DOK6: variants seen among roughly 807,000 people sequenced by gnomAD.
The protein encoded by DOK6 is downstream of tyrosine kinase 6.
DOK6 carries 22 observed loss-of-function variants against 44.0 expected under a neutral mutation model. The observed-to-expected ratio is 0.50, with a 90% CI of 0.36 to 0.71. DOK6 has a LOEUF of 0.71. DOK6 is among the 30% of genes least tolerant of loss of function. The pLI is 0.00. For synonymous variants in DOK6, 166 were observed against 145.5 expected (o/e 1.14, Z -1.01); for missense variants, 340 against 416.4 (o/e 0.82, Z 1.60).
At chr18:69,784,082 G>C (rs934096152) in intron 7 of DOK6, among the ~76,000 whole-genome samples, 3 of 152,118 alleles carry the variant, frequency 2.0e-5, no homozygotes, top group Non-Finnish European at 4.4e-5. Context: ...AGCTACTCGG[G>C]AAGCTGAGTG....
intron 1 of DOK6, among the ~76,000 whole-genome samples, chr18:69,425,932 A>G (rs62096593): frequency 0.15 from 22,246 of 152,086 alleles, 2,157 homozygotes; most frequent in East Asian, 0.32. Flanking sequence ...TTATTTCTGG[A>G]GAAATTTTTC....
chr18:69,751,269 GAT>G (rs1216705797), intron 6 of DOK6, among the ~76,000 whole-genome samples: 2 of 152,062 alleles, frequency 1.3e-5, no homozygotes, highest in Admixed American at 6.6e-5. Context: ...TCACAAAAAA[GAT>G]AAGTATTTGA....
chr18:69,512,753 T>A (rs1981409127), intron 1 of DOK6, among the ~76,000 whole-genome samples: 1 of 152,206 alleles, frequency 6.6e-6, no homozygotes, highest in South Asian at 2.1e-4. Flanking sequence ...GATATCATTG[T>A]TGATAAATCA....
intron 2 of DOK6, among the ~76,000 whole-genome samples, chr18:69,579,397 A>G (rs1444358563): frequency 2.0e-5 from 3 of 152,182 alleles, no homozygotes; most frequent in South Asian, 2.1e-4. Flanking sequence ...TGGATTTTCA[A>G]TAGCCTGGAA....
chr18:69,647,383 A>C (rs1197263620), intron 3 of DOK6: 1 of 152,212 alleles, frequency 6.6e-6, no homozygotes, highest in Non-Finnish European at 1.5e-5. Context: ...TAGAGAAATA[A>C]GGCAGTCATC....
Position 69,401,424 on chromosome 18 carries a change from G to T in DOK6, c.66+114G>T, listed in dbSNP as rs1398729656. On this transcript the variant is annotated intron_variant, in intron 1 of 7. Coordinates refer to ENST00000382713, the MANE Select transcript of DOK6 (RefSeq NM_152721.6). ...CGGGTACAGGGCAGAGAGGGACCCGGCCCTTAGGCGGATGGCCCGCTTGTT... is the reference window on the plus strand; with the variant it reads ...CGGGTACAGGGCAGAGAGGGACCCGTCCCTTAGGCGGATGGCCCGCTTGTT... 3 of 1,204,148 alleles carry T rather than the reference G, an allele frequency of 2.5e-6. No homozygotes were observed. The African/African-American group carries it at 4.8e-5, about 19-fold the overall frequency. 74.6% of individuals were successfully genotyped at this position (1,204,148 alleles called of 1,614,324 possible). A position where few individuals can be genotyped will look rare whatever the true frequency, so the allele number is the denominator to read the frequency against.
intron 4 of DOK6, among the ~76,000 whole-genome samples, chr18:69,690,715 A>G (rs138880479): frequency 7.2e-4 from 110 of 152,318 alleles, no homozygotes; most frequent in African/African-American, 2.5e-3. Context: ...ATGAAACTCA[A>G]TAATAAATCC....
chr18:69,448,234 T>A (rs1461848933), intron 1 of DOK6, among the ~76,000 whole-genome samples: 3 of 152,302 alleles, frequency 2.0e-5, no homozygotes, highest in Non-Finnish European at 4.4e-5. Flanking sequence ...TTTAACTAGA[T>A]TTTAGAATTC....
chr18:69,593,859 A>T (rs1366382403), intron 2 of DOK6, among the ~76,000 whole-genome samples: 1 of 152,202 alleles, frequency 6.6e-6, no homozygotes, highest in African/African-American at 2.4e-5. Flanking sequence ...ATGTAGTTTA[A>T]CAGTATATCA....
chr18:69,495,131 C>T, intron 1 of DOK6, among the ~76,000 whole-genome samples: 1 of 152,240 alleles, frequency 6.6e-6, no homozygotes, highest in South Asian at 2.1e-4. Flanking sequence ...ACCAGGTTCA[C>T]CACAGGCAGC....
At chr18:69,682,504 A>G (rs1245881414) in intron 4 of DOK6, among the ~76,000 whole-genome samples, 1 of 152,182 alleles carries the variant, frequency 6.6e-6, no homozygotes, top group Non-Finnish European at 1.5e-5. Flanking sequence ...TACACTTGCA[A>G]CTTCCCAAAG....
At chr18:69,635,398 A>G in intron 3 of DOK6, among the ~76,000 whole-genome samples, 1 of 152,134 alleles carries the variant, frequency 6.6e-6, no homozygotes, top group East Asian at 1.9e-4. Flanking sequence ...ATTCATCATT[A>G]TATTGGCTTT....
intron 3 of DOK6, among the ~76,000 whole-genome samples, chr18:69,628,821 A>G (rs1395673049): frequency 2.6e-5 from 4 of 152,186 alleles, no homozygotes; most frequent in Non-Finnish European, 4.4e-5. Flanking sequence ...TATGAGAGTA[A>G]TTCACACCTT....
At chr18:69,701,286 G>A (rs1006591339) in intron 5 of DOK6, among the ~76,000 whole-genome samples, 4 of 152,216 alleles carry the variant, frequency 2.6e-5, no homozygotes, top group African/African-American at 9.6e-5. Context: ...ATGGCGCCCA[G>A]GAGATGTATT....
intron 6 of DOK6, among the ~76,000 whole-genome samples, chr18:69,752,867 T>A (rs1313947779): frequency 6.6e-6 from 1 of 152,118 alleles, no homozygotes; most frequent in African/African-American, 2.4e-5. Flanking sequence ...GTGCTGCATA[T>A]TACCACAGCC....
intron 2 of DOK6, among the ~76,000 whole-genome samples, chr18:69,592,276 CATG>C (rs1250539837): frequency 2.0e-5 from 3 of 149,856 alleles, no homozygotes; most frequent in African/African-American, 7.4e-5. Flanking sequence ...ATCCAAGTGT[CATG>C]TCTACAAAGA....
intron 7 of DOK6, among the ~76,000 whole-genome samples, chr18:69,793,894 A>C (rs1202677705): frequency 6.6e-6 from 1 of 152,150 alleles, no homozygotes; most frequent in Admixed American, 6.6e-5. Context: ...TGGGATATTA[A>C]AGTAAAAGCC....
At chr18:69,806,092 T>A (rs967423567) in intron 7 of DOK6, among the ~76,000 whole-genome samples, 1 of 152,064 alleles carries the variant, frequency 6.6e-6, no homozygotes, top group Non-Finnish European at 1.5e-5. Context: ...AAATTTTTAT[T>A]GTACCCATTT....
chr18:69,566,604 T>A (rs1311542366), intron 2 of DOK6, among the ~76,000 whole-genome samples: 1 of 152,224 alleles, frequency 6.6e-6, no homozygotes, highest in Non-Finnish European at 1.5e-5. Context: ...GTGTCTGCTC[T>A]ACGCTAGGCA....
Sources: gnomAD v4.1 joint callset for allele counts (sites outside exome capture counted in the v4.1 genomes callset) on GRCh38, gnomAD v4.1.1 for gene constraint, MANE v1.5 for transcripts, NCBI Gene and HGNC (gene_info 2026-07-23, HGNC 2026-07-21) for gene names.